DLD: variants seen among roughly 807,000 people sequenced by gnomAD.
DLD encodes the protein dihydrolipoyl dehydrogenase, mitochondrial.
In DLD, 36 loss-of-function variants were observed where a neutral mutation model predicts 62.2. That is an observed-to-expected ratio of 0.58 (90% CI 0.44 to 0.76). DLD has a LOEUF of 0.76. DLD is among the 30% of genes least tolerant of loss of function. DLD has a pLI of 0.00. For synonymous variants in DLD, 204 were observed against 199.6 expected, an observed-to-expected ratio of 1.02 and a Z score of -0.19; for missense variants, 541 against 608.6, an observed-to-expected ratio of 0.89 and a Z score of 1.17.
chr7:107,916,584 A>C (rs2032274346), intron 9 of DLD, among the ~76,000 whole-genome samples: 1 of 151,952 alleles, frequency 6.6e-6, no homozygotes, highest in African/African-American at 2.4e-5. Context: ...AGGCAGGAGA[A>C]TCTCTGGAAC....
chr7:107,905,511 A>G lies in DLD; in HGVS notation c.582+7A>G. The G allele has an allele frequency of 6.2e-7, 1 of 1,613,278 alleles. No individual in the cohort carries two copies. The highest frequency in any genetic ancestry group is 8.5e-7 in the Non-Finnish European group (1 of 1,179,300). On this transcript the variant is annotated splice_region_variant and intron_variant, in intron 7 of 13. Transcript: ENST00000205402. The stretch of plus-strand genomic sequence containing the variant: ...TCCTTTTCCTGGAATCACGGTATTT[A>G]TGCTTCATAATTTACAACCATTACA...
chr7:107,911,887 C>G (rs1180552558), intron 8 of DLD, among the ~76,000 whole-genome samples: 1 of 151,660 alleles, frequency 6.6e-6, no homozygotes, highest in African/African-American at 2.4e-5. Flanking sequence ...TGATTGTTAC[C>G]TATAGTCAAC....
intron 2 of DLD, among the ~76,000 whole-genome samples, chr7:107,900,133 T>C (rs548425833): frequency 7.2e-5 from 11 of 152,246 alleles, no homozygotes; most frequent in Admixed American, 2.6e-4. Context: ...TTATCTCAAT[T>C]ATCATCTGCT....
At chr7:107,900,527 A>G (rs1236854406) in intron 2 of DLD, among the ~76,000 whole-genome samples, 1 of 152,066 alleles carries the variant, frequency 6.6e-6, no homozygotes, top group Non-Finnish European at 1.5e-5. Flanking sequence ...TTACTCACCT[A>G]AGGTCACATA....
Position 107,919,539 on chromosome 7 carries a change from A to G in DLD, c.*280A>G. On this transcript the variant is annotated 3_prime_UTR_variant, in exon 14 of 14. Transcript: ENST00000205402. ...AACTCATATTTTCATGCTGTTCATG[A>G]AAGATTCAATGCCCCTGAATTTAAA... 1 of 279,586 alleles carries G rather than the reference A, an allele frequency of 3.6e-6. No individual in the cohort carries two copies. Among genetic ancestry groups the G allele is most frequent in the Non-Finnish European group, 6.7e-6 (1 of 149,514 alleles). 17.3% of individuals were successfully genotyped at this position (279,586 alleles called of 1,614,324 possible).
intron 2 of DLD, among the ~76,000 whole-genome samples, chr7:107,896,665 A>T (rs999951587): frequency 4.6e-5 from 7 of 152,220 alleles, no homozygotes; most frequent in Admixed American, 3.3e-4. Flanking sequence ...AAGACTGGAT[A>T]TTAAGGCCAT....
chr7:107,919,363 G>C lies in DLD; in HGVS notation c.*104G>C. The C allele has an allele frequency of 1.1e-6, 1 of 935,504 alleles. No individual in the cohort carries two copies. The highest frequency in any genetic ancestry group is 1.7e-6 in the Non-Finnish European group (1 of 604,146). 58.0% of individuals were successfully genotyped at this position (935,504 alleles called of 1,614,324 possible). On this transcript the variant is annotated 3_prime_UTR_variant, in exon 14 of 14. Transcript: ENST00000205402. ...CACAGCTCCAAGAATTTCTAGGACT[G>C]AATTATGAAACTTTTGGAAGGTATT...
Position 107,901,775 on chromosome 7 carries a change from A to G in DLD, c.156A>G (p.Gly52=), listed in dbSNP as rs1175219333. 6.2e-7 allele frequency: 1 copy of G among 1,613,676 alleles called. No individual in the cohort carries two copies. Among genetic ancestry groups the G allele is most frequent in the Non-Finnish European group, 8.5e-7 (1 of 1,179,700 alleles). The change falls in exon 3 of 14, where the codon GGA becomes GGG. Residue 52 remains glycine (G), a synonymous_variant. Transcript: ENST00000205402. ...TAACAGTTATAGGTTCTGGTCCTGG[A>G]GGATATGTTGCTGCTATTAAAGCTG... The part of the protein sequence containing the change: ...ADVTVIGSGP[G]GYVAAIKAAQ...
At position 107,893,195 on chromosome 7, in the gene DLD, T is replaced by C; in HGVS notation, c.40-5T>C. 2 of 1,612,922 alleles carry C rather than the reference T, an allele frequency of 1.2e-6. No homozygotes were observed. Among genetic ancestry groups the C allele is most frequent in the Non-Finnish European group, 1.7e-6 (2 of 1,179,232 alleles). ...TTACATAATAGGGACATTTTCTTTTTCTAGAGAGGCCATTTCAATCGAATA... is the reference window on the plus strand; with the variant it reads ...TTACATAATAGGGACATTTTCTTTTCCTAGAGAGGCCATTTCAATCGAATA... On this transcript the variant is annotated splice_region_variant and splice_polypyrimidine_tract_variant and intron_variant, in intron 1 of 13. Transcript: ENST00000205402.
At chr7:107,891,771 C>T (rs935752299) in intron 1 of DLD, among the ~76,000 whole-genome samples, 2 of 152,188 alleles carry the variant, frequency 1.3e-5, no homozygotes, top group African/African-American at 2.4e-5. Flanking sequence ...AACAGATAGC[C>T]CTCGGAATTC....
upstream of DLD, chr7:107,891,132 C>T: frequency 5.2e-6 from 7 of 1,334,128 alleles, no homozygotes; most frequent in Non-Finnish European, 7.4e-6. Flanking sequence ...AATCGCGCTG[C>T]TCCCGGGTGA....
intron 8 of DLD, among the ~76,000 whole-genome samples, chr7:107,911,483 T>C (rs1248623625): frequency 6.6e-6 from 1 of 152,124 alleles, no homozygotes; most frequent in Non-Finnish European, 1.5e-5. Flanking sequence ...TCTGTTTTCA[T>C]TTCTCTTGGG....
chr7:107,898,495 G>A (rs912217027), intron 2 of DLD, among the ~76,000 whole-genome samples: 2 of 151,256 alleles, frequency 1.3e-5, no homozygotes, highest in Admixed American at 6.6e-5. Flanking sequence ...TAGTCAGGCT[G>A]GTCTCAAACT....
rs942843326 is a variant in DLD at position 107,915,635 on chromosome 7, T to C, written c.814T>C (p.Phe272Leu). ...CATCCTTCAAAAACAGGGGTTTAAA[T>C]TTAAATTGAATACAAAGGTTACTGG... ...QRILQKQGFK[F>L]KLNTKVTGAT... The change falls in exon 9 of 14, where the codon TTT becomes CTT. Residue 272 changes from phenylalanine (F) to leucine (L), a missense_variant. Phe to Leu is a conservative substitution (Grantham distance 22). Coordinates refer to ENST00000205402, the MANE Select transcript of DLD (RefSeq NM_000108.5). The C allele has an allele frequency of 8.7e-6, 14 of 1,613,682 alleles. No homozygotes were observed. Among genetic ancestry groups the C allele is most frequent in the Admixed American group, 8.3e-5 (5 of 59,974 alleles).
chr7:107,901,697 T>C (rs1452627098), intron 2 of DLD, 41 bp from the exon 3 acceptor site: 1 of 1,526,050 alleles, frequency 6.6e-7, no homozygotes, highest in Non-Finnish European at 9.1e-7. Flanking sequence ...TGGTAAATAT[T>C]AAGCAATTTA....
chr7:107,915,755 A>C (rs2032254434), intron 9 of DLD, 59 bp downstream of exon 9: 1 of 1,489,476 alleles, frequency 6.7e-7, no homozygotes, highest in Non-Finnish European at 9.3e-7. Context: ...CAAAACACTC[A>C]AGTTTCAAAA....
chr7:107,909,359 T>C (rs2032085027), intron 8 of DLD, among the ~76,000 whole-genome samples: 1 of 152,210 alleles, frequency 6.6e-6, no homozygotes. Context: ...TCTGATCTGA[T>C]CTTGGTTAAG....
intron 11 of DLD, 112 bp downstream of exon 11, chr7:107,917,574 A>G: frequency 3.7e-6 from 4 of 1,087,204 alleles, no homozygotes; most frequent in Non-Finnish European, 5.6e-6. Flanking sequence ...GCTGTGAAAT[A>G]TTGTTTAGCT....
At chr7:107,892,531 C>CTT (rs113774070) in intron 1 of DLD, among the ~76,000 whole-genome samples, 1 of 149,606 alleles carries the variant, frequency 6.7e-6, no homozygotes, top group Non-Finnish European at 1.5e-5. Context: ...ACTTTCAGAG[C>CTT]TTTATTTATT....
Sources: allele counts gnomAD v4.1 joint callset (sites outside exome capture counted in the v4.1 genomes callset), GRCh38; gene constraint gnomAD v4.1.1; transcripts MANE v1.5; gene names NCBI Gene and HGNC (gene_info 2026-07-23, HGNC 2026-07-21).